The following PATJ variants were observed in gnomAD, a reference collection of about 807,000 sequenced individuals.
PATJ encodes the protein inaD-like protein.
In PATJ, 190 loss-of-function variants were observed where a neutral mutation model predicts 224.9. The observed-to-expected ratio is 0.84, with a 90% CI of 0.75 to 0.95. The LOEUF (loss-of-function observed/expected upper bound fraction) is 0.95. PATJ is among the 40% of genes least tolerant of loss of function. PATJ has a pLI of 0.00. For missense variants in PATJ, 2,121 were observed against 2,270.3 expected (o/e 0.93, Z 1.34); for synonymous variants, 769 against 820.3 (o/e 0.94, Z 1.07).
intron 27 of PATJ, among the ~76,000 whole-genome samples, chr1:61,977,853 T>C (rs1644225038): frequency 6.7e-6 from 1 of 150,354 alleles, no homozygotes; most frequent in South Asian, 2.1e-4. Flanking sequence ...GAATAGCCAC[T>C]GTACTCTAGC....
Position 62,086,984 on chromosome 1 carries a change from T to C in PATJ, c.4377+2336T>C, listed in dbSNP as rs558975282. On this transcript the variant is annotated intron_variant, in intron 33 of 43. Transcript: ENST00000642238. This position sits in a 1 kb window ranked among gnomAD's most constrained non-coding sequence, Gnocchi z 4.0. Reference sequence around the variant, plus strand: ...GTCGTCCGTGGACAGCGGTACGTTATCAGCTCAGTGGGCCCCTTGCCTTGT... The same window carrying C: ...GTCGTCCGTGGACAGCGGTACGTTACCAGCTCAGTGGGCCCCTTGCCTTGT... Among the ~76,000 whole-genome samples, 49 of 152,226 alleles carry C rather than the reference T, an allele frequency of 3.2e-4. No individual in the cohort carries two copies. Among genetic ancestry groups the C allele is most frequent in the African/African-American group, 1.1e-3 (47 of 41,546 alleles).
rs563109778 is a variant in PATJ, at chr1:61,833,808, G to T, written c.2112+23G>T. On this transcript the variant is annotated intron_variant, in intron 17 of 43. Coordinates refer to ENST00000642238, the MANE Select transcript of PATJ (RefSeq NM_001350145.3). ...CAGGTATAAGAACCTGTGTAGAGGT[G>T]TTTTCTTTGGAGTGATTGGTTTGTA... The T allele has an allele frequency of 3.1e-6, 5 of 1,599,796 alleles. No homozygotes were observed. In the South Asian group the frequency reaches 4.5e-5, roughly 14 times the overall value.
At chr1:62,146,896 G>C (rs1668094105) in intron 41 of PATJ, among the ~76,000 whole-genome samples, 1 of 152,138 alleles carries the variant, frequency 6.6e-6, no homozygotes, top group Admixed American at 6.6e-5. Context: ...CTTGAAACTG[G>C]AAAAATCAAG....
chr1:62,055,442 T>C (rs1654383699), intron 31 of PATJ, among the ~76,000 whole-genome samples: 1 of 152,232 alleles, frequency 6.6e-6, no homozygotes, highest in Non-Finnish European at 1.5e-5. Flanking sequence ...TGGGTTCAAA[T>C]CCTGGTTCCG....
intron 19 of PATJ, among the ~76,000 whole-genome samples, chr1:61,863,621 T>C (rs1664972715): frequency 6.6e-6 from 1 of 152,218 alleles, no homozygotes; most frequent in Non-Finnish European, 1.5e-5. Flanking sequence ...CTAGCTGTTC[T>C]GATTAGTGAA....
At chr1:61,942,786 T>C (rs2482868) in intron 27 of PATJ, among the ~76,000 whole-genome samples, 135,509 of 152,078 alleles carry the variant, frequency 0.89, 60,620 homozygotes, top group African/African-American at 0.97. Flanking sequence ...TCACATCAGG[T>C]GATCCGCCTG....
At chr1:61,973,947 T>C (rs1465449464) in intron 27 of PATJ, among the ~76,000 whole-genome samples, 1 of 152,008 alleles carries the variant, frequency 6.6e-6, no homozygotes, top group Non-Finnish European at 1.5e-5. Flanking sequence ...GATAGGGACT[T>C]ATCTTAGTGT....
At position 62,106,158 on chromosome 1, in the gene PATJ, G is replaced by GTGTATATATATATATATATA. The variant is rs1356937495; in HGVS notation, c.4378-2278_4378-2277insGTATATATATATATATATAT. Among the ~76,000 whole-genome samples, 22 of 48,060 alleles carry GTGTATATATATATATATATA rather than the reference G, an allele frequency of 4.6e-4. 1 individual carries two copies. The highest frequency in any genetic ancestry group is 6.6e-4 in the Non-Finnish European group (15 of 22,810). The allele number at this position is 48,060 out of a possible 152,430, so 31.5% of individuals were successfully genotyped here. Reference sequence around the variant, plus strand: ...TACATGTGTATATGTGTGTGTGTGTGTATATATATATATATATATATATAT... The same window carrying GTGTATATATATATATATATA: ...TACATGTGTATATGTGTGTGTGTGTGTGTATATATATATATATATATATATATATATATATATATATATAT... On this transcript the variant is annotated intron_variant, in intron 33 of 43. Transcript: ENST00000642238.
intron 3 of PATJ, among the ~76,000 whole-genome samples, chr1:61,764,419 G>A (rs1646146599): frequency 5.3e-5 from 1 of 19,024 alleles, no homozygotes; most frequent in South Asian, 6.0e-3. Flanking sequence ...GCAGTTGTGG[G>A]ATTTTTTTTT....
intron 31 of PATJ, among the ~76,000 whole-genome samples, chr1:62,070,563 A>G (rs1657211969): frequency 6.6e-6 from 1 of 152,232 alleles, no homozygotes; most frequent in African/African-American, 2.4e-5. Context: ...AATCTTGCAA[A>G]TAAGTGATAA....
intron 41 of PATJ, among the ~76,000 whole-genome samples, chr1:62,139,667 T>C (rs1010061106): frequency 6.6e-6 from 1 of 152,174 alleles, no homozygotes; most frequent in Non-Finnish European, 1.5e-5. Flanking sequence ...GGTTTAACTC[T>C]GCTGCCTATC....
chr1:62,106,144 A>ATGTG (rs1179729899), intron 33 of PATJ, among the ~76,000 whole-genome samples: 6 of 57,500 alleles, frequency 1.0e-4, no homozygotes, highest in Non-Finnish European at 1.7e-4. Flanking sequence ...ACATGTGTAT[A>ATGTG]TGTGTGTGTG....
At chr1:61,937,321 C>T (rs951804761) in intron 27 of PATJ, among the ~76,000 whole-genome samples, 7 of 152,114 alleles carry the variant, frequency 4.6e-5, no homozygotes, top group African/African-American at 1.7e-4. Context: ...CAACCTTGAC[C>T]TCCTGAGCTC....
intron 11 of PATJ, among the ~76,000 whole-genome samples, chr1:61,800,618 A>G (rs1652270741): frequency 6.6e-6 from 1 of 152,170 alleles, no homozygotes; most frequent in Non-Finnish European, 1.5e-5. Context: ...TCTAGGGTAC[A>G]TGTGCACAAC....
chr1:61,996,132 A>C (rs1168919602), intron 28 of PATJ, among the ~76,000 whole-genome samples: 3 of 152,242 alleles, frequency 2.0e-5, no homozygotes, highest in Non-Finnish European at 4.4e-5. Flanking sequence ...CTTATGTGTA[A>C]AATGATATTT....
intron 16 of PATJ, among the ~76,000 whole-genome samples, chr1:61,827,981 T>G (rs1658575022): frequency 6.6e-6 from 1 of 152,150 alleles, no homozygotes; most frequent in African/African-American, 2.4e-5. Flanking sequence ...GCGCGGTGGC[T>G]CACACCTGTA....
intron 26 of PATJ, among the ~76,000 whole-genome samples, chr1:61,921,027 T>C (rs898487419): frequency 6.1e-4 from 93 of 152,100 alleles, no homozygotes; most frequent in African/African-American, 2.1e-3. Context: ...ATTCTTAAGG[T>C]GCACCTTTTT....
intron 31 of PATJ, among the ~76,000 whole-genome samples, chr1:62,061,616 G>A (rs753137577): frequency 2.6e-5 from 4 of 152,098 alleles, no homozygotes; most frequent in South Asian, 2.1e-4. Context: ...ACATGATTTC[G>A]TTGAGTGTTT....
At chr1:62,037,762 A>C (rs970444111) in intron 29 of PATJ, among the ~76,000 whole-genome samples, 2 of 152,150 alleles carry the variant, frequency 1.3e-5, no homozygotes, top group Non-Finnish European at 2.9e-5. Flanking sequence ...TAATAATTGC[A>C]TCTTAGTATC....
Sources: gnomAD v4.1 joint callset for allele counts (sites outside exome capture counted in the v4.1 genomes callset) on GRCh38, gnomAD v4.1.1 for gene constraint, Gnocchi (gnomAD v3.1) non-coding constraint, MANE v1.5 for transcripts, NCBI Gene and HGNC (gene_info 2026-07-23, HGNC 2026-07-21) for gene names.